The following TOX variants were observed in gnomAD, a reference collection of about 807,000 sequenced individuals.
TOX encodes thymocyte selection-associated high mobility group box protein TOX.
A neutral mutation model predicts 53.7 loss-of-function variants in TOX; 11 were observed. The observed-to-expected ratio is 0.20, with a 90% confidence interval of 0.13 to 0.34. TOX has a LOEUF of 0.34. TOX is among the 10% of genes least tolerant of loss of function. The probability of loss-of-function intolerance (pLI) is 1.00; values close to 1 mark genes in which losing one functional copy is unlikely to be tolerated. For synonymous variants in TOX, 225 were observed against 245.3 expected, an observed-to-expected ratio of 0.92 and a Z score of 0.77; for missense variants, 570 against 664.6, an observed-to-expected ratio of 0.86 and a Z score of 1.56.
intron 6 of TOX, 124 bp downstream of exon 6, chr8:58,826,698 T>C (rs921894254): frequency 1.0e-5 from 8 of 790,546 alleles, no homozygotes; most frequent in Admixed American, 7.4e-5. Flanking sequence ...TGTAATTTAC[T>C]TTTTTTTCCA....
At chr8:58,968,500 C>T (rs1044740159) in intron 1 of TOX, among the ~76,000 whole-genome samples, 8 of 152,074 alleles carry the variant, frequency 5.3e-5, no homozygotes, top group Admixed American at 1.3e-4. Context: ...AATCCATCTA[C>T]GAAGGAAAAA....
At chr8:59,085,688 T>C (rs981366766) in intron 1 of TOX, among the ~76,000 whole-genome samples, 7 of 152,226 alleles carry the variant, frequency 4.6e-5, no homozygotes, top group South Asian at 2.1e-4. Context: ...GTGCCCAGCC[T>C]AAAATTGAAA....
chr8:58,865,098 G>A (rs944750801), intron 3 of TOX, among the ~76,000 whole-genome samples: 3 of 152,144 alleles, frequency 2.0e-5, no homozygotes, highest in Admixed American at 6.6e-5. Context: ...TGAGGAAGGT[G>A]GTGGATGGGT....
At chr8:58,882,617 T>C (rs1448543) in intron 3 of TOX, among the ~76,000 whole-genome samples, 31,588 of 152,102 alleles carry the variant, frequency 0.21, 4,275 homozygotes, top group East Asian at 0.37. Flanking sequence ...TTTAAGAACA[T>C]AGCCAATGTC....
intron 1 of TOX, among the ~76,000 whole-genome samples, chr8:59,065,127 A>T (rs1004665598): frequency 1.3e-5 from 2 of 152,256 alleles, no homozygotes; most frequent in Non-Finnish European, 2.9e-5. Context: ...CTCCTTTCAT[A>T]CTAGTAAAAG....
At chr8:59,033,042 A>G (rs904751982) in intron 1 of TOX, among the ~76,000 whole-genome samples, 2 of 151,962 alleles carry the variant, frequency 1.3e-5, no homozygotes, top group Admixed American at 6.6e-5. Context: ...TCAAAAAAAA[A>G]AAAAGAAAAG....
At chr8:58,883,633 CACTT>C (rs1288503317) in intron 3 of TOX, among the ~76,000 whole-genome samples, 3 of 152,156 alleles carry the variant, frequency 2.0e-5, no homozygotes, top group African/African-American at 7.2e-5. Context: ...TAATTTTAAT[CACTT>C]ACCAAAAACA....
chr8:59,033,857 G>A (rs1167589428), intron 1 of TOX, among the ~76,000 whole-genome samples: 2 of 152,166 alleles, frequency 1.3e-5, no homozygotes, highest in Non-Finnish European at 2.9e-5. Flanking sequence ...AGAACATGTG[G>A]GGCTGCTCCT....
chr8:58,858,803 C>G (rs1171732837), intron 3 of TOX, among the ~76,000 whole-genome samples: 1 of 152,176 alleles, frequency 6.6e-6, no homozygotes, highest in East Asian at 1.9e-4. Context: ...AGAAAAACTT[C>G]TGAGCCTTGC....
intron 7 of TOX, among the ~76,000 whole-genome samples, chr8:58,812,053 G>A (rs1810087635): frequency 6.6e-6 from 1 of 151,998 alleles, no homozygotes; most frequent in Non-Finnish European, 1.5e-5. Flanking sequence ...GTGTCCACAT[G>A]GCTCCCACAT....
intron 3 of TOX, among the ~76,000 whole-genome samples, chr8:58,921,314 C>A (rs932443024): frequency 1.3e-5 from 2 of 152,242 alleles, no homozygotes; most frequent in Admixed American, 1.3e-4. Flanking sequence ...CATAAAAATC[C>A]ATAAACAAGT....
At chr8:59,004,524 T>C (rs1813751550) in intron 1 of TOX, among the ~76,000 whole-genome samples, 1 of 152,244 alleles carries the variant, frequency 6.6e-6, no homozygotes, top group South Asian at 2.1e-4. Context: ...ATTGCATGCA[T>C]TATAATAATT....
rs1813073560 is a variant in TOX, at chr8:58,975,260, ACAC to A, written c.103-15255_103-15253del. Among the ~76,000 whole-genome samples, 7 of 148,830 alleles carry A rather than the reference ACAC, an allele frequency of 4.7e-5. No individual in the cohort carries two copies. In the South Asian group the frequency reaches 1.5e-3, roughly 32 times the overall value. On this transcript the variant is annotated intron_variant, in intron 1 of 8. Transcript: ENST00000361421. The stretch of plus-strand genomic sequence containing the variant: ...GATATATATATACACACACACACAC[ACAC>A]CCCCACACAGAGAGAGAGAGAGAGA...
intron 6 of TOX, among the ~76,000 whole-genome samples, chr8:58,818,165 T>A (rs1453302643): frequency 6.6e-6 from 1 of 152,216 alleles, no homozygotes; most frequent in Non-Finnish European, 1.5e-5. Context: ...TTTCTCTATC[T>A]AGCCACTTAT....
At chr8:59,016,188 G>A (rs370778231) in intron 1 of TOX, among the ~76,000 whole-genome samples, 1 of 151,880 alleles carries the variant, frequency 6.6e-6, no homozygotes, top group Non-Finnish European at 1.5e-5. Context: ...ACTGGATGCC[G>A]GGGTATACAT....
At chr8:58,974,130 C>T (rs975687756) in intron 1 of TOX, among the ~76,000 whole-genome samples, 1 of 152,118 alleles carries the variant, frequency 6.6e-6, no homozygotes, top group Non-Finnish European at 1.5e-5. Context: ...GTGATTTCAC[C>T]CCAGCCTGGG....
chr8:58,978,237 A>G (rs987093671), intron 1 of TOX, among the ~76,000 whole-genome samples: 9 of 152,240 alleles, frequency 5.9e-5, no homozygotes, highest in African/African-American at 2.2e-4. Context: ...CACAAAGTAC[A>G]TGATCTCCCA....
chr8:58,849,011 T>C (rs560818903), intron 4 of TOX, among the ~76,000 whole-genome samples: 29 of 152,272 alleles, frequency 1.9e-4, no homozygotes, highest in African/African-American at 5.8e-4. Flanking sequence ...ACTGGAGCTG[T>C]TGCACTACAA....
rs61753688 is a variant in TOX at position 58,939,348 on chromosome 8, T to C, written c.365A>G (p.Asn122Ser). Residue 122 changes from asparagine (N) to serine (S), a missense_variant, in exon 3 of 9, where the codon AAT (asparagine) becomes AGT (serine). By Grantham distance (46) the Asn-to-Ser change is conservative. Coordinates refer to ENST00000361421, the MANE Select transcript of TOX (RefSeq NM_014729.3). ...NMDLPEITVS[N>S]MLGQDGTLLS... Reference sequence around the variant, plus strand: ...CAGTGTTCCATCCTGGCCCAGCATATTGGAGACTGTGATTTCAGGGAGGTC... The same window carrying C: ...CAGTGTTCCATCCTGGCCCAGCATACTGGAGACTGTGATTTCAGGGAGGTC... 41,060 of 1,614,078 alleles carry C rather than the reference T, an allele frequency of 0.025. 900 individuals carry two copies. The highest frequency in any genetic ancestry group is 0.096 in the South Asian group (8,704 of 91,078).
Sources: allele counts gnomAD v4.1 joint callset (sites outside exome capture counted in the v4.1 genomes callset), GRCh38; gene constraint gnomAD v4.1.1; transcripts MANE v1.5; gene names NCBI Gene and HGNC (gene_info 2026-07-23, HGNC 2026-07-21).